The following GNA12 variants were observed in gnomAD, a reference collection of about 807,000 sequenced individuals.
GNA12 encodes the protein G protein subunit alpha 12, also known as guanine nucleotide-binding protein subunit alpha-12.
Under a neutral mutation model 26.0 loss-of-function variants are expected in GNA12, and 9 were observed. That is an observed-to-expected ratio of 0.35 (90% CI 0.21 to 0.60). The LOEUF (loss-of-function observed/expected upper bound fraction) is 0.60, where lower values mean the gene tolerates loss of function less well. Ranked by LOEUF, GNA12 falls within the 20% of genes least tolerant of loss-of-function variation. The pLI is 0.78. For synonymous variants in GNA12, 264 were observed against 219.6 expected (o/e 1.20, Z -1.79); for missense variants, 405 against 525.8 (o/e 0.77, Z 2.25).
intron 2 of GNA12, among the ~76,000 whole-genome samples, chr7:2,783,637 G>C (rs946461053): frequency 2.1e-5 from 3 of 142,546 alleles, no homozygotes; most frequent in African/African-American, 7.8e-5. Flanking sequence ...TCAGTGCTTA[G>C]AGGCTGTAAC....
chr7:2,769,572 A>G (rs111660257), intron 2 of GNA12, among the ~76,000 whole-genome samples: 5,518 of 152,138 alleles, frequency 0.036, 299 homozygotes, highest in African/African-American at 0.11. Flanking sequence ...CTATTAAAAA[A>G]AATACAAAAA....
intron 2 of GNA12, among the ~76,000 whole-genome samples, chr7:2,745,662 C>T (rs966158262): frequency 3.3e-5 from 5 of 152,186 alleles, no homozygotes; most frequent in Admixed American, 1.3e-4. Flanking sequence ...CAAATTCACA[C>T]ATAACAATAT....
Position 2,844,299 on chromosome 7 carries a change from T to C in GNA12, c.-138A>G. 1 of 274,084 alleles carries C rather than the reference T, an allele frequency of 3.6e-6. No homozygotes were observed. Among genetic ancestry groups the C allele is most frequent in the Non-Finnish European group, 5.5e-6 (1 of 180,842 alleles). The allele number at this position is 274,084 out of a possible 1,614,324, so 17.0% of individuals were successfully genotyped here. A position where few individuals can be genotyped will look rare whatever the true frequency, so the allele number is the denominator to read the frequency against. On this transcript the variant is annotated 5_prime_UTR_variant, in exon 1 of 4. Transcript: ENST00000275364. The stretch of plus-strand genomic sequence containing the variant: ...GCCGCGTCCGCCGCCGCCGCTGCAG[T>C]CGCTCCGAGGCCCGCACTCGTCGCC...
rs145916019 is a variant in GNA12 at position 2,773,224 on chromosome 7, C to T, written c.525+21704G>A. ...CGTAAATCTCATTGTGTTGTATACA[C>T]CTAAGATTTGTGCATTTTGCACACA... On this transcript the variant is annotated intron_variant, in intron 2 of 3. Transcript: ENST00000275364. Among the ~76,000 whole-genome samples the T allele has an allele frequency of 1.9e-3, 285 of 152,260 alleles. 1 individual carries two copies. The highest frequency in any genetic ancestry group is 3.3e-3 in the Non-Finnish European group (222 of 68,016).
intron 1 of GNA12, chr7:2,814,474 A>T: frequency 1.2e-6 from 1 of 853,092 alleles, no homozygotes; most frequent in Non-Finnish European, 2.0e-6. Context: ...AAGCTTCTCC[A>T]AGCTCACAAA....
rs11389467 is a variant in GNA12, at chr7:2,737,289, G to GTT, written c.526-3790_526-3789dup. 3.9e-3 allele frequency among the ~76,000 whole-genome samples: 244 copies of GTT among 62,274 alleles called. 4 individuals carry two copies. The highest frequency in any genetic ancestry group is 0.01 in the Middle Eastern group (1 of 100). The allele number at this position is 62,274 out of a possible 152,430, so 40.9% of individuals were successfully genotyped here. ...GTTTTGTTTTGTTTTTTTTTTTTTT[G>GTT]TTTTTTTTTTTTTTTTTGAGATGGA... On this transcript the variant is annotated intron_variant, in intron 2 of 3. Coordinates refer to ENST00000275364, the MANE Select transcript of GNA12 (RefSeq NM_007353.3).
chr7:2,824,536 C>T (rs751771471), intron 1 of GNA12, among the ~76,000 whole-genome samples: 9 of 152,198 alleles, frequency 5.9e-5, no homozygotes, highest in East Asian at 1.9e-4. Context: ...TTTCATAAGA[C>T]GTGCCTGTTT....
chr7:2,812,475 C>A (rs1793103477), intron 1 of GNA12, among the ~76,000 whole-genome samples: 1 of 152,058 alleles, frequency 6.6e-6, no homozygotes, highest in African/African-American at 2.4e-5. Context: ...ACTAAAAATA[C>A]AAAATTAGCT....
intron 1 of GNA12, among the ~76,000 whole-genome samples, chr7:2,805,959 G>C (rs1265323051): frequency 1.3e-5 from 2 of 152,166 alleles, no homozygotes; most frequent in African/African-American, 2.4e-5. Flanking sequence ...ATCACAAAGA[G>C]TACAAAAAGA....
intron 1 of GNA12, chr7:2,814,431 G>C (rs774309397): frequency 9.4e-7 from 1 of 1,068,610 alleles, no homozygotes; most frequent in South Asian, 1.2e-5. Context: ...CTGAATTAAA[G>C]ACAATTAGAG....
chr7:2,744,060 G>C (rs994161735), intron 2 of GNA12, among the ~76,000 whole-genome samples: 3 of 152,220 alleles, frequency 2.0e-5, no homozygotes, highest in African/African-American at 7.2e-5. Context: ...GCTCAAGGAG[G>C]CCTGCCTGCC....
chr7:2,774,397 G>A (rs1206233849), intron 2 of GNA12, among the ~76,000 whole-genome samples: 1 of 152,204 alleles, frequency 6.6e-6, no homozygotes, highest in Non-Finnish European at 1.5e-5. Context: ...ATTTCATGAA[G>A]ATAACATCTG....
chr7:2,774,111 C>T (rs1792015856), intron 2 of GNA12, among the ~76,000 whole-genome samples: 1 of 152,010 alleles, frequency 6.6e-6, no homozygotes, highest in African/African-American at 2.4e-5. Context: ...TTCTGGAGAG[C>T]AGAAGGTGGT....
chr7:2,743,689 G>A (rs745856879), intron 2 of GNA12, among the ~76,000 whole-genome samples: 5 of 152,156 alleles, frequency 3.3e-5, no homozygotes, highest in Admixed American at 6.5e-5. Context: ...GACAGTGGGC[G>A]CAGCGCACTG....
chr7:2,778,110 C>T (rs1334048607), intron 2 of GNA12, among the ~76,000 whole-genome samples: 3 of 152,156 alleles, frequency 2.0e-5, no homozygotes, highest in Admixed American at 6.5e-5. Context: ...TCCAAAGACT[C>T]GCTGGGATAC....
chr7:2,781,489 C>T (rs940190333), intron 2 of GNA12, among the ~76,000 whole-genome samples: 3 of 149,192 alleles, frequency 2.0e-5, no homozygotes, highest in Non-Finnish European at 4.4e-5. Context: ...TTTGACTACT[C>T]TACTTATCTA....
intron 2 of GNA12, among the ~76,000 whole-genome samples, chr7:2,768,144 C>T (rs924877646): frequency 3.3e-5 from 5 of 152,194 alleles, no homozygotes; most frequent in Non-Finnish European, 7.3e-5. Flanking sequence ...CATGAGCTAC[C>T]GCTTACAGAC....
At chr7:2,757,657 G>A (rs369167214) in intron 2 of GNA12, among the ~76,000 whole-genome samples, 7 of 152,286 alleles carry the variant, frequency 4.6e-5, no homozygotes, top group East Asian at 1.9e-4. Flanking sequence ...CATCTGTGCC[G>A]TTTTAAGTTG....
intron 1 of GNA12, among the ~76,000 whole-genome samples, chr7:2,803,608 G>A (rs1000846230): frequency 2.7e-4 from 41 of 152,224 alleles, no homozygotes; most frequent in African/African-American, 9.4e-4. Flanking sequence ...GGATGGCTTA[G>A]AAGGGGTGAC....
Sources: gnomAD v4.1 joint callset for allele counts (sites outside exome capture counted in the v4.1 genomes callset) on GRCh38, gnomAD v4.1.1 for gene constraint, MANE v1.5 for transcripts, NCBI Gene and HGNC (gene_info 2026-07-23, HGNC 2026-07-21) for gene names.